The following NDUFS4 variants were observed in gnomAD, a reference collection of about 807,000 sequenced individuals.
NDUFS4 encodes the protein NADH:ubiquinone oxidoreductase subunit S4.
Under a neutral mutation model 24.3 loss-of-function variants are expected in NDUFS4, and 28 were observed. The ratio of observed to expected loss-of-function variants is 1.15; its 90% CI spans 0.85 to 1.58. The LOEUF (loss-of-function observed/expected upper bound fraction) is 1.58, where lower values mean the gene tolerates loss of function less well. Ranked by LOEUF, NDUFS4 falls within the 40% of genes most tolerant of loss-of-function variation. The pLI is 0.00. For missense variants in NDUFS4, 223 were observed against 207.9 expected, an observed-to-expected ratio of 1.07 and a Z score of -0.45; for synonymous variants, 93 against 69.7, an observed-to-expected ratio of 1.34 and a Z score of -1.67.
chr5:53,567,609 G>T (rs1420783034), intron 1 of NDUFS4, among the ~76,000 whole-genome samples: 1 of 152,006 alleles, frequency 6.6e-6, no homozygotes, highest in African/African-American at 2.4e-5. Context: ...AGGAAAAACG[G>T]TTGTATTGTG....
At chr5:53,573,533 C>T in intron 1 of NDUFS4, 1 of 446,842 alleles carries the variant, frequency 2.2e-6, no homozygotes, top group Admixed American at 2.4e-5. Flanking sequence ...TTATGCCTAA[C>T]TATCTCAATT....
chr5:53,566,676 C>CT (rs1199613764), intron 1 of NDUFS4, among the ~76,000 whole-genome samples: 1 of 152,134 alleles, frequency 6.6e-6, no homozygotes, highest in Non-Finnish European at 1.5e-5. Context: ...TTCCATATAA[C>CT]TTCTGTACAT....
At chr5:53,613,057 T>G (rs769814399) in intron 2 of NDUFS4, among the ~76,000 whole-genome samples, 1 of 152,114 alleles carries the variant, frequency 6.6e-6, no homozygotes, top group Non-Finnish European at 1.5e-5. Flanking sequence ...AAAGATAACC[T>G]TAAGTTAAAG....
At chr5:53,639,662 T>G (rs1751654315) in intron 2 of NDUFS4, among the ~76,000 whole-genome samples, 1 of 152,186 alleles carries the variant, frequency 6.6e-6, no homozygotes, top group African/African-American at 2.4e-5. Context: ...CATGACAACT[T>G]CTTGAGACAT....
intron 1 of NDUFS4, among the ~76,000 whole-genome samples, chr5:53,584,238 G>A (rs536355289): frequency 1.3e-5 from 2 of 152,286 alleles, no homozygotes; most frequent in African/African-American, 4.8e-5. Context: ...TTATTATTGG[G>A]TTTAGCATTG....
At chr5:53,606,990 GT>G (rs1750535327) in intron 2 of NDUFS4, among the ~76,000 whole-genome samples, 1 of 152,172 alleles carries the variant, frequency 6.6e-6, no homozygotes, top group African/African-American at 2.4e-5. Flanking sequence ...AAAAAAGGAG[GT>G]ATACGTTCAG....
intron 3 of NDUFS4, among the ~76,000 whole-genome samples, chr5:53,657,813 T>C (rs568347049): frequency 6.6e-6 from 1 of 151,358 alleles, no homozygotes; most frequent in South Asian, 2.1e-4. Flanking sequence ...TAATCCCAGC[T>C]ACTTGGGAGG....
intron 1 of NDUFS4, among the ~76,000 whole-genome samples, chr5:53,580,559 A>C (rs539986427): frequency 9.8e-5 from 15 of 152,328 alleles, no homozygotes; most frequent in African/African-American, 3.6e-4. Context: ...AGACATCCTC[A>C]TCTTGGATTT....
At chr5:53,598,905 G>A (rs1166139390) in intron 1 of NDUFS4, among the ~76,000 whole-genome samples, 1 of 152,134 alleles carries the variant, frequency 6.6e-6, no homozygotes, top group Admixed American at 6.5e-5. Flanking sequence ...AACCCTCAGA[G>A]TTTATCCTTT....
At chr5:53,610,928 G>T (rs72751863) in intron 2 of NDUFS4, among the ~76,000 whole-genome samples, 2 of 151,952 alleles carry the variant, frequency 1.3e-5, no homozygotes, top group Non-Finnish European at 2.9e-5. Context: ...AATTTAGGTT[G>T]TCATACTTAT....
At chr5:53,605,719 A>G (rs1324550728) in intron 2 of NDUFS4, among the ~76,000 whole-genome samples, 6 of 152,102 alleles carry the variant, frequency 3.9e-5, no homozygotes, top group Admixed American at 2.0e-4. Flanking sequence ...ATATTGTTAT[A>G]AAGAAATACC....
intron 1 of NDUFS4, among the ~76,000 whole-genome samples, chr5:53,582,071 C>T (rs1157756100): frequency 4.6e-5 from 7 of 151,734 alleles, no homozygotes; most frequent in South Asian, 2.1e-4. Flanking sequence ...ATTAGCCGGG[C>T]GTGGTGTTGG....
intron 2 of NDUFS4, among the ~76,000 whole-genome samples, chr5:53,637,909 C>T (rs983453141): frequency 9.9e-5 from 15 of 152,212 alleles, no homozygotes; most frequent in Admixed American, 3.3e-4. Flanking sequence ...TAGACTATTG[C>T]TCACTGCAAA....
chr5:53,682,460 T>G (rs1740698117), intron 4 of NDUFS4, among the ~76,000 whole-genome samples: 1 of 152,046 alleles, frequency 6.6e-6, no homozygotes, highest in Non-Finnish European at 1.5e-5. Flanking sequence ...AGTGGGCCTT[T>G]GGTCAGGCCT....
At chr5:53,588,651 GATC>G (rs750595025) in intron 1 of NDUFS4, among the ~76,000 whole-genome samples, 5 of 152,188 alleles carry the variant, frequency 3.3e-5, no homozygotes, top group East Asian at 1.9e-4. Context: ...TTAATGATGT[GATC>G]ATCAGCCTTT....
chr5:53,608,828 AAT>A (rs200705188), intron 2 of NDUFS4, among the ~76,000 whole-genome samples: 38,957 of 151,916 alleles, frequency 0.26, 6,593 homozygotes, highest in African/African-American at 0.47. Flanking sequence ...GCCATGTCAA[AAT>A]AAAACAAAGA....
intron 4 of NDUFS4, among the ~76,000 whole-genome samples, chr5:53,674,402 G>A (rs1375991335): frequency 6.6e-6 from 1 of 152,114 alleles, no homozygotes; most frequent in East Asian, 1.9e-4. Flanking sequence ...TACAAGGGTG[G>A]GAGGAGGTCA....
At chr5:53,573,086 C>T (rs1561334611) in intron 1 of NDUFS4, among the ~76,000 whole-genome samples, 1 of 150,922 alleles carries the variant, frequency 6.6e-6, no homozygotes, top group Non-Finnish European at 1.5e-5. Flanking sequence ...TCTTTCCCAC[C>T]TCAGCCTCCT....
rs558783476 is a variant in NDUFS4 at position 53,668,512 on chromosome 5, G to A, written c.424+9888G>A. 6.6e-5 allele frequency among the ~76,000 whole-genome samples: 10 copies of A among 151,968 alleles called. No individual in the cohort carries two copies. In the South Asian group the frequency reaches 1.9e-3, roughly 28 times the overall value. ...CTCACTCTGTCACCCAGGCTGGAGTGCAATGGCATGATCTTGGCTCACTGC... is the reference window on the plus strand; with the variant it reads ...CTCACTCTGTCACCCAGGCTGGAGTACAATGGCATGATCTTGGCTCACTGC... On this transcript the variant is annotated intron_variant, in intron 4 of 4. Transcript: ENST00000296684.
Sources: gnomAD v4.1 joint callset for allele counts (sites outside exome capture counted in the v4.1 genomes callset) on GRCh38, gnomAD v4.1.1 for gene constraint, MANE v1.5 for transcripts, NCBI Gene and HGNC (gene_info 2026-07-23, HGNC 2026-07-21) for gene names.